Variants in SETD3 observed in about 807,000 individuals in gnomAD.
The protein encoded by SETD3 is actin-histidine N-methyltransferase.
In SETD3, 19 loss-of-function variants were observed where a neutral mutation model predicts 63.0. That is an observed-to-expected ratio of 0.30 (90% CI 0.21 to 0.44). The LOEUF is 0.44. SETD3 is among the 20% of genes least tolerant of loss of function. The probability of loss-of-function intolerance (pLI) is 1.00; values close to 1 mark genes in which losing one functional copy is unlikely to be tolerated. For missense variants in SETD3, 587 were observed against 728.5 expected, an observed-to-expected ratio of 0.81 and a Z score of 2.24; for synonymous variants, 286 against 264.1, an observed-to-expected ratio of 1.08 and a Z score of -0.80.
intron 6 of SETD3, among the ~76,000 whole-genome samples, chr14:99,437,765 A>T (rs1248889602): frequency 6.6e-6 from 1 of 152,232 alleles, no homozygotes; most frequent in East Asian, 1.9e-4. Context: ...CAAAAGCCTC[A>T]ATGTAACTTG....
rs568774655 is a variant in SETD3 at position 99,419,105 on chromosome 14, G to GA, written c.676-5172dup. 2.5e-3 allele frequency among the ~76,000 whole-genome samples: 373 copies of GA among 152,120 alleles called. 1 individual carries two copies. Among genetic ancestry groups the GA allele is most frequent in the African/African-American group, 8.7e-3 (360 of 41,520 alleles). The stretch of plus-strand genomic sequence containing the variant: ...TGGTTCACATGTTCAGCTCTTGAGG[G>GA]AAAAAAATCAATTTTTAAGACTTTT... On this transcript the variant is annotated intron_variant, in intron 6 of 12. Transcript: ENST00000331768.
In SETD3 at chr14:99,398,424, C is replaced by T; in HGVS notation, c.*255G>A. The stretch of plus-strand genomic sequence containing the variant: ...ACCCACAATAGGTCTGCAAAATCTC[C>T]CACAGGCACCTCTTCTCCCTTTCTT... On this transcript the variant is annotated 3_prime_UTR_variant, in exon 13 of 13. Coordinates refer to ENST00000331768, the MANE Select transcript of SETD3 (RefSeq NM_032233.3). 1 of 462,460 alleles carries T rather than the reference C, an allele frequency of 2.2e-6. No individual in the cohort carries two copies. The highest frequency in any genetic ancestry group is 3.7e-5 in the Admixed American group (1 of 26,772). 28.6% of individuals were successfully genotyped at this position (462,460 alleles called of 1,614,324 possible).
intron 6 of SETD3, among the ~76,000 whole-genome samples, chr14:99,456,348 G>T (rs974768389): frequency 6.6e-6 from 1 of 151,952 alleles, no homozygotes; most frequent in African/African-American, 2.4e-5. Context: ...TTGATTACCT[G>T]GTAATTTCAC....
intron 6 of SETD3, among the ~76,000 whole-genome samples, chr14:99,457,990 A>T (rs912410985): frequency 1.3e-5 from 2 of 152,194 alleles, no homozygotes; most frequent in African/African-American, 4.8e-5. Context: ...GGCTTTTAAA[A>T]TTTCATTGTG....
intron 6 of SETD3, among the ~76,000 whole-genome samples, chr14:99,442,351 T>C (rs947477718): frequency 6.6e-6 from 1 of 152,226 alleles, no homozygotes; most frequent in African/African-American, 2.4e-5. Context: ...CATCTCTGTG[T>C]TGGGCACATT....
intron 1 of SETD3, chr14:99,478,694 A>G (rs764751702): frequency 1.3e-5 from 2 of 152,132 alleles, no homozygotes; most frequent in Non-Finnish European, 2.9e-5. Context: ...ATGATTGTCT[A>G]CTAAATATTC....
At chr14:99,419,935 G>A (rs979612232) in intron 6 of SETD3, among the ~76,000 whole-genome samples, 3 of 152,150 alleles carry the variant, frequency 2.0e-5, no homozygotes. Flanking sequence ...ATGAAGATAG[G>A]TTAAGACTAG....
chr14:99,418,678 G>A (rs964954997), intron 6 of SETD3, among the ~76,000 whole-genome samples: 1 of 152,062 alleles, frequency 6.6e-6, no homozygotes, highest in African/African-American at 2.4e-5. Context: ...CAGCTCCATC[G>A]GCCCATCCTA....
chr14:99,464,259 T>C (rs1732606855), intron 2 of SETD3, among the ~76,000 whole-genome samples: 1 of 152,264 alleles, frequency 6.6e-6, no homozygotes, highest in South Asian at 2.1e-4. Flanking sequence ...TATTGGCAGC[T>C]CTTTCTTTTC....
chr14:99,400,002 A>C, intron 12 of SETD3, 97 bp downstream of exon 12: 1 of 1,151,012 alleles, frequency 8.7e-7, no homozygotes. Flanking sequence ...CGACCTCCCA[A>C]AGTGCTGGGA....
intron 6 of SETD3, among the ~76,000 whole-genome samples, chr14:99,450,922 T>C (rs1436190182): frequency 6.6e-6 from 1 of 152,222 alleles, no homozygotes; most frequent in Non-Finnish European, 1.5e-5. Flanking sequence ...GTCTCTAAGA[T>C]AAGCTAATCT....
intron 6 of SETD3, among the ~76,000 whole-genome samples, chr14:99,424,357 G>A (rs1321167769): frequency 6.6e-6 from 1 of 152,210 alleles, no homozygotes; most frequent in Non-Finnish European, 1.5e-5. Flanking sequence ...GCAGGAACGT[G>A]GGGAGGATGA....
At chr14:99,443,818 A>G (rs1005607087) in intron 6 of SETD3, among the ~76,000 whole-genome samples, 2 of 152,206 alleles carry the variant, frequency 1.3e-5, no homozygotes. Context: ...TTGCCTCAAT[A>G]TAAGGAATGG....
chr14:99,428,668 A>G (rs1893012375), intron 6 of SETD3, among the ~76,000 whole-genome samples: 2 of 152,086 alleles, frequency 1.3e-5, no homozygotes, highest in Non-Finnish European at 2.9e-5. Flanking sequence ...GAAAAACAAA[A>G]CAAGTGATGG....
chr14:99,447,776 C>G (rs1894218583), intron 6 of SETD3, among the ~76,000 whole-genome samples: 1 of 152,230 alleles, frequency 6.6e-6, no homozygotes, highest in African/African-American at 2.4e-5. Flanking sequence ...GCACAACCAG[C>G]TTCCTCATAG....
chr14:99,459,291 G>C, intron 4 of SETD3, 106 bp from the exon 5 acceptor site: 1 of 669,516 alleles, frequency 1.5e-6, no homozygotes, highest in Non-Finnish European at 2.6e-6. Context: ...ACAACTTAAG[G>C]CTGCATATCA....
Position 99,458,454 on chromosome 14 carries a change from C to A in SETD3, c.500G>T (p.Ser167Ile), listed in dbSNP as rs370065812. ...LAFHLLCERASPNSFWQPYIQ... is the reference protein window; with the variant it reads ...LAFHLLCERAIPNSFWQPYIQ... ...ATAGGGCTGCCAGAAGGAGTTAGGG[C>A]TGGCTCGCTCACACAGCAAATGAAA... The change falls in exon 6 of 13, where the codon AGC (serine) becomes ATC (isoleucine). Residue 167 changes from serine to isoleucine, a missense_variant. Physicochemically the swap from Ser to Ile is moderately radical, Grantham distance 142. Coordinates refer to ENST00000331768, the MANE Select transcript of SETD3 (RefSeq NM_032233.3). 1.9e-6 allele frequency: 3 copies of A among 1,614,028 alleles called. No homozygotes were observed. The highest frequency in any genetic ancestry group is 2.5e-6 in the Non-Finnish European group (3 of 1,180,032).
intron 6 of SETD3, among the ~76,000 whole-genome samples, chr14:99,446,871 C>G (rs1292227842): frequency 6.6e-6 from 1 of 151,978 alleles, no homozygotes; most frequent in Non-Finnish European, 1.5e-5. Flanking sequence ...GGGGACACAC[C>G]AGTGTACACT....
In SETD3 at chr14:99,406,574, T is replaced by A; in HGVS notation, c.866A>T (p.Asn289Ile). Residue 289 changes from asparagine to isoleucine, a missense_variant, in exon 9 of 13, where the codon AAC becomes ATC. By Grantham distance (149) the Asn-to-Ile change is moderately radical. Coordinates refer to ENST00000331768, the MANE Select transcript of SETD3 (RefSeq NM_032233.3). ...ACACTCACAGCGGTCATCTTCCAGG[T>A]TGTAACCAGTAGTGATCTAGCCCGG... is the stretch of plus-strand genomic sequence containing the variant. ...HTNGLITTGY[N>I]LEDDRCECVA... 1 of 1,614,182 alleles carries A rather than the reference T, an allele frequency of 6.2e-7. No individual in the cohort carries two copies. Among genetic ancestry groups the A allele is most frequent in the Non-Finnish European group, 8.5e-7 (1 of 1,180,032 alleles).
Sources: gnomAD v4.1 joint callset for allele counts (sites outside exome capture counted in the v4.1 genomes callset) on GRCh38, gnomAD v4.1.1 for gene constraint, MANE v1.5 for transcripts, NCBI Gene and HGNC (gene_info 2026-07-23, HGNC 2026-07-21) for gene names.